CPD: variants seen among roughly 807,000 people sequenced by gnomAD.
CPD encodes carboxypeptidase D, also known as metallocarboxypeptidase D.
CPD carries 69 observed loss-of-function variants against 138.3 expected under a neutral mutation model. The observed-to-expected ratio is 0.50, with a 90% CI of 0.41 to 0.61. The LOEUF (loss-of-function observed/expected upper bound fraction) is 0.61, where lower values mean the gene tolerates loss of function less well. Ranked by LOEUF, CPD falls within the 20% of genes least tolerant of loss-of-function variation. CPD has a pLI of 0.00. For missense variants in CPD, 1,432 were observed against 1,733.3 expected, an observed-to-expected ratio of 0.83 and a Z score of 3.09; for synonymous variants, 651 against 642.1, an observed-to-expected ratio of 1.01 and a Z score of -0.21.
chr17:30,416,261 G>A (rs1424032293), intron 2 of CPD, among the ~76,000 whole-genome samples: 3 of 152,192 alleles, frequency 2.0e-5, no homozygotes, highest in African/African-American at 7.2e-5. Context: ...GAACCTGGGA[G>A]GCGGAGGTTG....
chr17:30,442,160 G>A (rs1232168734), intron 9 of CPD, 148 bp from the exon 10 acceptor site: 2 of 581,292 alleles, frequency 3.4e-6, no homozygotes, highest in South Asian at 2.7e-5. Flanking sequence ...TGTATCGCAA[G>A]CATCAAAGTG....
At chr17:30,452,723 C>T (rs1913198894) in intron 14 of CPD, among the ~76,000 whole-genome samples, 1 of 151,428 alleles carries the variant, frequency 6.6e-6, no homozygotes, top group Non-Finnish European at 1.5e-5. Context: ...TTCTGAAACT[C>T]TAATTTTCTT....
At position 30,379,124 on chromosome 17, in the gene CPD, C is replaced by A; in HGVS notation, c.144C>A (p.Ala48=). ...CTACCACAACTACGAGCGCGGGCGC[C>A]GAGGCGGCCGAGGGCCAGTTCGACC... ...EATTTTTSAG[A]EAAEGQFDRY... Residue 48 remains alanine, a synonymous_variant, in exon 1 of 21, where the codon GCC becomes GCA. Coordinates refer to ENST00000225719, the MANE Select transcript of CPD (RefSeq NM_001304.5). This position sits in a 1 kb window ranked among gnomAD's most constrained non-coding sequence, Gnocchi z 7.0. 3 of 1,538,218 alleles carry A rather than the reference C, an allele frequency of 2.0e-6. No homozygotes were observed. Among genetic ancestry groups the A allele is most frequent in the Non-Finnish European group, 2.6e-6 (3 of 1,146,260 alleles).
At chr17:30,386,446 T>G (rs1911189723) in intron 2 of CPD, among the ~76,000 whole-genome samples, 1 of 152,202 alleles carries the variant, frequency 6.6e-6, no homozygotes, top group African/African-American at 2.4e-5. Flanking sequence ...TATATATACA[T>G]AACATGAAAT....
chr17:30,422,640 A>G, intron 4 of CPD, 34 bp from the exon 5 acceptor site: 2 of 1,431,824 alleles, frequency 1.4e-6, no homozygotes, highest in African/African-American at 1.4e-5. Flanking sequence ...TGTCTTAACT[A>G]TAAACCATTT....
intron 1 of CPD, among the ~76,000 whole-genome samples, chr17:30,381,315 G>A (rs1450820441): frequency 6.6e-6 from 1 of 152,112 alleles, no homozygotes; most frequent in African/African-American, 2.4e-5. Context: ...CTCTGTCCTT[G>A]CACCTTTAAA....
At chr17:30,452,603 A>G (rs188469492) in intron 14 of CPD, among the ~76,000 whole-genome samples, 158 of 146,740 alleles carry the variant, frequency 1.1e-3, no homozygotes, top group African/African-American at 3.9e-3. Context: ...CTAGTATGCC[A>G]TGAATCTATG....
rs774932477 is a variant in CPD at position 30,466,060 on chromosome 17, T to C, written c.*1246T>C. 4 of 152,592 alleles carry C rather than the reference T, an allele frequency of 2.6e-5. No homozygotes were observed. Among genetic ancestry groups the C allele is most frequent in the Admixed American group, 6.5e-5 (1 of 15,274 alleles). The allele number at this position is 152,592 out of a possible 1,614,324, so 9.5% of individuals were successfully genotyped here. On this transcript the variant is annotated 3_prime_UTR_variant, in exon 21 of 21. Coordinates refer to ENST00000225719, the MANE Select transcript of CPD (RefSeq NM_001304.5). ...ATGACTGCTGAGTGATAAAACACTG[T>C]GGTGTGAAAGTGTCATCTTCACTGC... is the stretch of plus-strand genomic sequence containing the variant.
chr17:30,380,587 AAGG>A, intron 1 of CPD: 1 of 1,506,850 alleles, frequency 6.6e-7, no homozygotes, highest in East Asian at 2.5e-5. Flanking sequence ...AAAGTAGAAG[AAGG>A]AGGACCTCAA....
intron 12 of CPD, among the ~76,000 whole-genome samples, chr17:30,448,446 T>C (rs1010592680): frequency 1.3e-5 from 2 of 152,200 alleles, no homozygotes; most frequent in African/African-American, 4.8e-5. Flanking sequence ...AAGACACACT[T>C]TTTAGTTAAA....
In CPD at chr17:30,442,498, AT is replaced by A. The variant is rs1231328044; in HGVS notation, c.2373+53del. On this transcript the variant is annotated intron_variant, in intron 10 of 20. Transcript: ENST00000225719. The stretch of plus-strand genomic sequence containing the variant: ...TGAAATTTCTCCCGAGGGTGAAAAG[AT>A]TTTTGTGCGTACACGTGGTTTTTGT... 4 of 1,588,382 alleles carry A rather than the reference AT, an allele frequency of 2.5e-6. No individual in the cohort carries two copies. In the Admixed American group the frequency reaches 6.8e-5, roughly 27 times the overall value.
chr17:30,411,114 C>T (rs1174694800), intron 2 of CPD, among the ~76,000 whole-genome samples: 1 of 152,128 alleles, frequency 6.6e-6, no homozygotes, highest in Non-Finnish European at 1.5e-5. Flanking sequence ...CCTTCACTTA[C>T]GAAGCTTAGT....
intron 2 of CPD, among the ~76,000 whole-genome samples, chr17:30,411,840 CCTTCGGAAGCCTA>C (rs2143386645): frequency 6.6e-6 from 1 of 152,276 alleles, no homozygotes; most frequent in Admixed American, 6.5e-5. Context: ...TTATTACCAA[CCTTCGGAAGCCTA>C]CTTCTGTCAG....
At chr17:30,448,263 C>T (rs559750949) in intron 12 of CPD, among the ~76,000 whole-genome samples, 3 of 151,974 alleles carry the variant, frequency 2.0e-5, no homozygotes, top group African/African-American at 7.2e-5. Context: ...TTTGGGAGGC[C>T]CAGGTGGGAG....
chr17:30,419,872 A>G (rs1349779162), intron 2 of CPD, among the ~76,000 whole-genome samples: 1 of 152,238 alleles, frequency 6.6e-6, no homozygotes, highest in East Asian at 1.9e-4. Flanking sequence ...GATGAACATG[A>G]AAATAATCAG....
At chr17:30,422,646 C>A in intron 4 of CPD, 28 bp from the exon 5 acceptor site, 2 of 1,471,434 alleles carry the variant, frequency 1.4e-6, no homozygotes, top group Non-Finnish European at 1.9e-6. Flanking sequence ...AACTATAAAC[C>A]ATTTACTTTT....
Position 30,464,849 on chromosome 17 carries a change from C to G in CPD, c.*35C>G. On this transcript the variant is annotated 3_prime_UTR_variant, in exon 21 of 21. Transcript: ENST00000225719. ...TTTGCATATCTCCCAGCATAAGTAC[C>G]AAGCAAAATTACAGTTCCTCTTGGG... 3.2e-6 allele frequency: 5 copies of G among 1,538,650 alleles called. No homozygotes were observed. Among genetic ancestry groups the G allele is most frequent in the Admixed American group, 1.7e-5 (1 of 59,766 alleles).
In CPD at chr17:30,394,632, G is replaced by A. The variant is rs1315573558; in HGVS notation, c.994+9396G>A. On this transcript the variant is annotated intron_variant, in intron 2 of 20. Coordinates refer to ENST00000225719, the MANE Select transcript of CPD (RefSeq NM_001304.5). ...AGGGAAAACTAGAGAGGTGTTTACAGTCATCTGGGATGAGGTCTCTTTGGA... is the reference window on the plus strand; with the variant it reads ...AGGGAAAACTAGAGAGGTGTTTACAATCATCTGGGATGAGGTCTCTTTGGA... Among the ~76,000 whole-genome samples, 3 of 152,148 alleles carry A rather than the reference G, an allele frequency of 2.0e-5. No individual in the cohort carries two copies. In the East Asian group the frequency reaches 5.8e-4, roughly 29 times the overall value.
chr17:30,452,253 A>AATACT lies in CPD; in HGVS notation c.3205+407_3205+408insATACT, dbSNP rs537357610. Among the ~76,000 whole-genome samples, 695 of 151,464 alleles carry AATACT rather than the reference A, an allele frequency of 4.6e-3. 6 individuals carry two copies. Among genetic ancestry groups the AATACT allele is most frequent in the Non-Finnish European group, 4.7e-3 (317 of 67,888 alleles). ...TGTATCATTGACATGGTTCAATTTC[A>AATACT]GTACTTATAGATCTCTAACATTCTT... is the stretch of plus-strand genomic sequence containing the variant. On this transcript the variant is annotated intron_variant, in intron 14 of 20. Coordinates refer to ENST00000225719, the MANE Select transcript of CPD (RefSeq NM_001304.5).
Sources: allele counts gnomAD v4.1 joint callset (sites outside exome capture counted in the v4.1 genomes callset), GRCh38; gene constraint gnomAD v4.1.1; non-coding constraint Gnocchi (gnomAD v3.1); transcripts MANE v1.5; gene names NCBI Gene and HGNC (gene_info 2026-07-23, HGNC 2026-07-21).